Variants in SNCAIP observed in about 807,000 individuals in gnomAD.
The protein encoded by SNCAIP is synuclein alpha interacting protein.
In SNCAIP, 43 loss-of-function variants were observed where a neutral mutation model predicts 86.7. That is an observed-to-expected ratio of 0.50 (90% CI 0.39 to 0.64). SNCAIP has a LOEUF of 0.64. Among genes scored for constraint, SNCAIP ranks in the 30% least tolerant of loss-of-function variants. The pLI, the probability that SNCAIP is intolerant of heterozygous loss-of-function variation, is 0.00. For missense variants in SNCAIP, 981 were observed against 1,103.1 expected (o/e 0.89, Z 1.57); for synonymous variants, 417 against 427.2 (o/e 0.98, Z 0.29).
chr5:122,362,243 C>T (rs966842850), intron 1 of SNCAIP, among the ~76,000 whole-genome samples: 1 of 152,154 alleles, frequency 6.6e-6, no homozygotes, highest in Admixed American at 6.5e-5. Context: ...ATTTTATAGA[C>T]AAGGACAGTG....
At chr5:122,372,139 C>A (rs1452200676) in intron 1 of SNCAIP, among the ~76,000 whole-genome samples, 1 of 152,110 alleles carries the variant, frequency 6.6e-6, no homozygotes, top group Non-Finnish European at 1.5e-5. Context: ...GTTTTTCATA[C>A]CCTTCCTGAA....
At chr5:122,462,640 C>T (rs1786661518) in intron 10 of SNCAIP, among the ~76,000 whole-genome samples, 1 of 152,172 alleles carries the variant, frequency 6.6e-6, no homozygotes, top group Non-Finnish European at 1.5e-5. Context: ...GCTTCATGGT[C>T]TTTGTGAGCA....
intron 3 of SNCAIP, among the ~76,000 whole-genome samples, chr5:122,420,586 T>TA (rs1554105461): frequency 0.19 from 26,229 of 137,808 alleles, 2,496 homozygotes; most frequent in East Asian, 0.27. Context: ...TATATATATA[T>TA]TTTTTTTTCC....
intron 1 of SNCAIP, among the ~76,000 whole-genome samples, chr5:122,337,639 A>G (rs981619427): frequency 2.0e-5 from 3 of 152,132 alleles, no homozygotes; most frequent in Non-Finnish European, 4.4e-5. Flanking sequence ...CCTGGGTTCA[A>G]GTGATTTTCC....
intron 1 of SNCAIP, chr5:122,389,954 A>T (rs1294443433): frequency 6.6e-6 from 1 of 152,138 alleles, no homozygotes; most frequent in African/African-American, 2.4e-5. Flanking sequence ...GCTCAACATG[A>T]GGGAAAACAA....
chr5:122,384,106 A>C (rs1353124824), intron 1 of SNCAIP, among the ~76,000 whole-genome samples: 4 of 152,210 alleles, frequency 2.6e-5, no homozygotes, highest in Non-Finnish European at 5.9e-5. Flanking sequence ...ATTCAGGGCT[A>C]GGGATGTCTG....
rs1478459618 is a variant in SNCAIP at position 122,450,799 on chromosome 5, A to G, written c.1952A>G (p.Asn651Ser). 1.9e-6 allele frequency: 3 copies of G among 1,614,060 alleles called. No homozygotes were observed. The highest frequency in any genetic ancestry group is 3.3e-4 in the Middle Eastern group (2 of 6,084). ...CAGGATGCTCAGGCTTCCTCTAGAA[A>G]TTCTAAAAAGATCCCACTGGAGAAG... ...EFQDAQASSR[N>S]SKKIPLEKRE... is the part of the protein sequence containing the mutation. The change falls in exon 10 of 11, where the codon AAT becomes AGT. Residue 651 changes from asparagine (N) to serine (S), a missense_variant. Transcript: ENST00000261368.
intron 5 of SNCAIP, among the ~76,000 whole-genome samples, chr5:122,429,805 G>A (rs1185006871): frequency 6.6e-6 from 1 of 152,178 alleles, no homozygotes; most frequent in East Asian, 1.9e-4. Flanking sequence ...CCAGGACACG[G>A]TTACCTCCCC....
intron 1 of SNCAIP, among the ~76,000 whole-genome samples, chr5:122,369,595 A>G (rs1303888241): frequency 6.6e-6 from 1 of 152,224 alleles, no homozygotes; most frequent in East Asian, 1.9e-4. Flanking sequence ...TGGAAGCTGT[A>G]GAGAACCTTT....
intron 1 of SNCAIP, chr5:122,312,895 T>G (rs1252418722): frequency 6.6e-6 from 1 of 152,268 alleles, no homozygotes; most frequent in Non-Finnish European, 1.5e-5. Flanking sequence ...GCCTTGTCTC[T>G]TGGCGATGAC....
chr5:122,382,900 C>G (rs1476479545), intron 1 of SNCAIP, among the ~76,000 whole-genome samples: 3 of 152,224 alleles, frequency 2.0e-5, no homozygotes, highest in Non-Finnish European at 4.4e-5. Flanking sequence ...TCTGCCCGTT[C>G]TCAGATCTCC....
intron 3 of SNCAIP, among the ~76,000 whole-genome samples, chr5:122,420,257 G>A (rs1419834003): frequency 6.6e-6 from 1 of 152,130 alleles, no homozygotes; most frequent in Non-Finnish European, 1.5e-5. Context: ...TTTCCATAGA[G>A]CGTTTTTAAT....
At chr5:122,420,136 C>T (rs1470941425) in intron 3 of SNCAIP, among the ~76,000 whole-genome samples, 1 of 152,100 alleles carries the variant, frequency 6.6e-6, no homozygotes, top group African/African-American at 2.4e-5. Flanking sequence ...CAAAAAGAGC[C>T]ATAGGTTTGA....
intron 7 of SNCAIP, among the ~76,000 whole-genome samples, chr5:122,442,190 A>T (rs1219924079): frequency 7.3e-6 from 1 of 137,818 alleles, no homozygotes; most frequent in Non-Finnish European, 1.5e-5. Context: ...CAGTTATTCA[A>T]CAGGTACTTA....
chr5:122,408,323 G>A (rs1773432090), intron 3 of SNCAIP, among the ~76,000 whole-genome samples: 1 of 152,192 alleles, frequency 6.6e-6, no homozygotes, highest in Non-Finnish European at 1.5e-5. Context: ...AGAGGAGCTA[G>A]AGTGTAAAAC....
intron 7 of SNCAIP, among the ~76,000 whole-genome samples, chr5:122,442,924 A>G (rs1561782903): frequency 6.6e-6 from 1 of 152,162 alleles, no homozygotes; most frequent in Non-Finnish European, 1.5e-5. Context: ...AAAAAAAGAT[A>G]AGAGACCGAG....
chr5:122,367,909 A>G (rs73285590), intron 1 of SNCAIP, among the ~76,000 whole-genome samples: 3,593 of 152,238 alleles, frequency 0.024, 129 homozygotes, highest in African/African-American at 0.083. Context: ...TATAAATATA[A>G]GTGTATACAT....
rs568982023 is a variant in SNCAIP, at chr5:122,423,806, G to A, written c.1002+67G>A. On this transcript the variant is annotated intron_variant, in intron 4 of 10. Coordinates refer to ENST00000261368, the MANE Select transcript of SNCAIP (RefSeq NM_005460.4). ...GACTCCTTTTTAATAAACTGCATTCGTTAGTAACAGAACGATGCTGCATTT... is the reference window on the plus strand; with the variant it reads ...GACTCCTTTTTAATAAACTGCATTCATTAGTAACAGAACGATGCTGCATTT... The A allele has an allele frequency of 1.2e-4, 165 of 1,358,676 alleles. 1 individual carries two copies. The South Asian group carries it at 1.8e-3, about 14-fold the overall frequency. The allele number at this position is 1,358,676 out of a possible 1,614,324, so 84.2% of individuals were successfully genotyped here.
At chr5:122,335,537 G>C (rs1294621664) in intron 1 of SNCAIP, among the ~76,000 whole-genome samples, 2 of 152,180 alleles carry the variant, frequency 1.3e-5, no homozygotes, top group African/African-American at 4.8e-5. Context: ...TTGGCAGAGG[G>C]TTTCTCTGCA....
Sources: gnomAD v4.1 joint callset for allele counts (sites outside exome capture counted in the v4.1 genomes callset) on GRCh38, gnomAD v4.1.1 for gene constraint, MANE v1.5 for transcripts, NCBI Gene and HGNC (gene_info 2026-07-23, HGNC 2026-07-21) for gene names.